The following TRMT10B variants were observed in gnomAD, a reference collection of about 807,000 sequenced individuals.
TRMT10B encodes tRNA methyltransferase 10B.
TRMT10B carries 33 observed loss-of-function variants against 43.8 expected under a neutral mutation model. The observed-to-expected ratio is 0.75, with a 90% confidence interval of 0.57 to 1.01. The LOEUF (loss-of-function observed/expected upper bound fraction) is 1.01, where lower values mean the gene tolerates loss of function less well. TRMT10B is among the 50% of genes least tolerant of loss of function. The pLI is 0.00. For missense variants in TRMT10B, 362 were observed against 369.8 expected (o/e 0.98, Z 0.17); for synonymous variants, 137 against 130.6 (o/e 1.05, Z -0.34).
At chr9:37,775,617 T>C (rs1453743826) in intron 7 of TRMT10B, among the ~76,000 whole-genome samples, 1 of 152,144 alleles carries the variant, frequency 6.6e-6, no homozygotes, top group Non-Finnish European at 1.5e-5. Flanking sequence ...GCAGCCTTGA[T>C]ATATGTCCCA....
intron 1 of TRMT10B, among the ~76,000 whole-genome samples, chr9:37,760,992 C>G (rs1399864850): frequency 6.6e-6 from 1 of 152,154 alleles, no homozygotes; most frequent in Non-Finnish European, 1.5e-5. Flanking sequence ...AACCTCAGCA[C>G]TTCTGAGGGA....
At chr9:37,759,349 T>C (rs576263232) in intron 1 of TRMT10B, among the ~76,000 whole-genome samples, 4 of 152,288 alleles carry the variant, frequency 2.6e-5, no homozygotes, top group Middle Eastern at 3.4e-3. Context: ...TCAAATATTT[T>C]GAGGGGAAAA....
intron 7 of TRMT10B, among the ~76,000 whole-genome samples, chr9:37,774,366 T>G (rs192293105): frequency 3.3e-5 from 5 of 152,312 alleles, no homozygotes; most frequent in Non-Finnish European, 7.3e-5. Flanking sequence ...CTTACAGATG[T>G]GCAGTTTTAA....
intron 4 of TRMT10B, chr9:37,767,557 A>G (rs1158883394): frequency 6.6e-6 from 1 of 150,668 alleles, no homozygotes; most frequent in Admixed American, 6.6e-5. Flanking sequence ...AAATTAAGAT[A>G]GCAGATTAAA....
intron 7 of TRMT10B, among the ~76,000 whole-genome samples, chr9:37,773,729 G>C (rs1827826509): frequency 6.6e-6 from 1 of 152,028 alleles, no homozygotes; most frequent in Non-Finnish European, 1.5e-5. Flanking sequence ...AGCTACTCGG[G>C]AGGCTGAGGC....
intron 2 of TRMT10B, among the ~76,000 whole-genome samples, 199 bp downstream of exon 2, chr9:37,762,316 T>C (rs899809926): frequency 1.3e-5 from 2 of 152,198 alleles, no homozygotes; most frequent in African/African-American, 4.8e-5. Context: ...ATTTTTGATA[T>C]ACCCCTGAAG....
intron 8 of TRMT10B, 39 bp from the exon 9 acceptor site, chr9:37,777,562 C>T (rs1478903862): frequency 6.7e-6 from 10 of 1,498,538 alleles, no homozygotes; most frequent in South Asian, 5.7e-5. Flanking sequence ...TCTTTTTTTC[C>T]CTCTGTGGTC....
intron 1 of TRMT10B, among the ~76,000 whole-genome samples, chr9:37,759,689 T>TAC (rs1826119778): frequency 6.6e-6 from 1 of 152,120 alleles, no homozygotes; most frequent in Non-Finnish European, 1.5e-5. Flanking sequence ...TGGTGGTGCG[T>TAC]GCCTGTAGTC....
intron 1 of TRMT10B, among the ~76,000 whole-genome samples, chr9:37,754,282 T>C (rs1825353507): frequency 1.3e-5 from 2 of 152,176 alleles, no homozygotes. Flanking sequence ...ATAGGTTATG[T>C]TGGATAGTAA....
chr9:37,755,360 G>T (rs955674898), intron 1 of TRMT10B, among the ~76,000 whole-genome samples: 1 of 150,434 alleles, frequency 6.6e-6, no homozygotes, highest in African/African-American at 2.4e-5. Flanking sequence ...CACACAATGT[G>T]GATGCCCTTA....
intron 7 of TRMT10B, among the ~76,000 whole-genome samples, chr9:37,774,497 T>C (rs927119383): frequency 6.6e-6 from 1 of 152,212 alleles, no homozygotes; most frequent in African/African-American, 2.4e-5. Flanking sequence ...AGAACAACAT[T>C]TCTTCAAGGA....
At chr9:37,770,861 C>A in intron 7 of TRMT10B, 122 bp downstream of exon 7, 1 of 993,770 alleles carries the variant, frequency 1.0e-6, no homozygotes, top group African/African-American at 1.7e-5. Flanking sequence ...GAAGAAAGAG[C>A]CATCCCCACC....
intron 3 of TRMT10B, 22 bp downstream of exon 3, chr9:37,762,707 G>A (rs1203075643): frequency 8.4e-6 from 13 of 1,544,002 alleles, no homozygotes; most frequent in Non-Finnish European, 1.0e-5. Context: ...TGAGACTGTT[G>A]GTATAATAAT....
intron 1 of TRMT10B, among the ~76,000 whole-genome samples, chr9:37,757,716 T>A (rs1265899337): frequency 6.6e-6 from 1 of 151,426 alleles, no homozygotes; most frequent in East Asian, 1.9e-4. Flanking sequence ...GAATAGTAGT[T>A]AACAGCAAGT....
chr9:37,769,804 T>C, intron 5 of TRMT10B, 137 bp from the exon 6 acceptor site: 2 of 730,338 alleles, frequency 2.7e-6, no homozygotes, highest in Non-Finnish European at 5.0e-6. Context: ...GGTTTCACCA[T>C]GTTGCCCAGT....
At chr9:37,771,451 G>A (rs1827571298) in intron 7 of TRMT10B, among the ~76,000 whole-genome samples, 2 of 152,058 alleles carry the variant, frequency 1.3e-5, no homozygotes. Context: ...ATAGGTAGAG[G>A]TAGATGTGTT....
chr9:37,765,010 T>C (rs535774142), intron 4 of TRMT10B, among the ~76,000 whole-genome samples: 43 of 152,200 alleles, frequency 2.8e-4, no homozygotes, highest in African/African-American at 9.6e-4. Flanking sequence ...TATAGGAGGA[T>C]GTGATTGGCT....
chr9:37,770,406 T>A (rs1306619055), intron 6 of TRMT10B, among the ~76,000 whole-genome samples: 1 of 152,252 alleles, frequency 6.6e-6, no homozygotes, highest in Non-Finnish European at 1.5e-5. Context: ...CTCATCTAAT[T>A]ATTTCACATT....
chr9:37,752,989 T>C (rs888654501), upstream of TRMT10B, among the ~76,000 whole-genome samples: 1 of 152,172 alleles, frequency 6.6e-6, no homozygotes, highest in Non-Finnish European at 1.5e-5. Flanking sequence ...GGGTCCCTAC[T>C]GTCTTTGTGA....
Sources: gnomAD v4.1 joint callset for allele counts (sites outside exome capture counted in the v4.1 genomes callset) on GRCh38, gnomAD v4.1.1 for gene constraint, MANE v1.5 for transcripts, NCBI Gene and HGNC (gene_info 2026-07-23, HGNC 2026-07-21) for gene names.